MRTFB: variants seen among roughly 807,000 people sequenced by gnomAD.
MRTFB encodes myocardin related transcription factor B, also known as myocardin-related transcription factor B.
Under a neutral mutation model 104.2 loss-of-function variants are expected in MRTFB, and 29 were observed. That is an observed-to-expected ratio of 0.28 (90% CI 0.21 to 0.38). The LOEUF is 0.38. Ranked by LOEUF, MRTFB falls within the 10% of genes least tolerant of loss-of-function variation. The probability of loss-of-function intolerance (pLI) is 1.00; values close to 1 mark genes in which losing one functional copy is unlikely to be tolerated. For missense variants in MRTFB, 1,270 were observed against 1,341.6 expected (o/e 0.95, Z 0.83); for synonymous variants, 535 against 519.5 (o/e 1.03, Z -0.41).
the MRTFB span, among the ~76,000 whole-genome samples, chr16:13,996,851 T>C: frequency 6.6e-6 from 1 of 152,184 alleles, no homozygotes; most frequent in African/African-American, 2.4e-5. Flanking sequence ...GGTGTGCTTT[T>C]GAGTTTCTAT....
At chr16:14,038,451 G>A in the MRTFB span, among the ~76,000 whole-genome samples, 1 of 152,018 alleles carries the variant, frequency 6.6e-6, no homozygotes, top group Non-Finnish European at 1.5e-5. Context: ...TGTGGTGGTG[G>A]GACTGACTTC....
In MRTFB at chr16:14,096,031, A is replaced by G. The variant is rs145268276; in HGVS notation, c.-64+16677A>G. The stretch of plus-strand genomic sequence containing the variant: ...TTGTTCTTTTGAGAACAAGAACATG[A>G]CAGTTTAGAGGCAAGCTGAAATTTA... On this transcript the variant is annotated intron_variant, in intron 2 of 16. Transcript: ENST00000571589. 6.6e-4 allele frequency among the ~76,000 whole-genome samples: 100 copies of G among 151,914 alleles called. 1 individual carries two copies. The East Asian group carries it at 0.019, about 28-fold the overall frequency.
the MRTFB span, among the ~76,000 whole-genome samples, chr16:14,003,383 C>G: frequency 6.6e-6 from 1 of 152,192 alleles, no homozygotes; most frequent in South Asian, 2.1e-4. Flanking sequence ...CCCTCTGCTC[C>G]TGCTTTCTTG....
At chr16:14,014,572 A>G in the MRTFB span, among the ~76,000 whole-genome samples, 47 of 151,926 alleles carry the variant, frequency 3.1e-4, 1 homozygote, top group African/African-American at 1.1e-3. Context: ...GAAAAAAAAA[A>G]GCCAGGCGCA....
chr16:14,246,002 T>C (rs1362583317), intron 11 of MRTFB, among the ~76,000 whole-genome samples: 1 of 152,172 alleles, frequency 6.6e-6, no homozygotes, highest in Non-Finnish European at 1.5e-5. Context: ...CCTTTTTAGG[T>C]TTCTACCACA....
At chr16:14,022,497 A>G in the MRTFB span, among the ~76,000 whole-genome samples, 1 of 152,174 alleles carries the variant, frequency 6.6e-6, no homozygotes, top group South Asian at 2.1e-4. Context: ...CCTGGGTTCA[A>G]GTGATTCTCC....
At chr16:14,057,566 A>G in the MRTFB span, among the ~76,000 whole-genome samples, 1 of 152,180 alleles carries the variant, frequency 6.6e-6, no homozygotes, top group African/African-American at 2.4e-5. Context: ...CAATACAAAA[A>G]GCCAAGCTTA....
intron 5 of MRTFB, 47 bp downstream of exon 5, chr16:14,212,456 C>T (rs762896264): frequency 9.0e-6 from 14 of 1,559,526 alleles, no homozygotes; most frequent in Non-Finnish European, 1.2e-5. Flanking sequence ...TCCTTCTCTC[C>T]TCTCTTCTAA....
rs779093804 is a variant in MRTFB at position 14,240,482 on chromosome 16, C to T, written c.1077C>T (p.Phe359=). ...YNYQTILPAP[F]KPLNDKNSNS... ...ACCAGACCATCCTGCCTGCACCATT[C>T]AAGTACGGCGGGGCCCATGCTATCC... is the stretch of plus-strand genomic sequence containing the variant. The change falls in exon 10 of 17, where the codon TTC becomes TTT. Residue 359 remains phenylalanine, a splice_region_variant and synonymous_variant. Transcript: ENST00000571589. 1.2e-6 allele frequency: 2 copies of T among 1,614,224 alleles called. No homozygotes were observed. Among genetic ancestry groups the T allele is most frequent in the East Asian group, 4.5e-5 (2 of 44,890 alleles).
chr16:14,079,556 G>A (rs565667572), intron 2 of MRTFB, among the ~76,000 whole-genome samples: 9 of 152,116 alleles, frequency 5.9e-5, no homozygotes, highest in Non-Finnish European at 8.8e-5. Context: ...CAACCTCTTC[G>A]AATCTAATCT....
intron 2 of MRTFB, among the ~76,000 whole-genome samples, chr16:14,086,879 G>T (rs1228880257): frequency 2.0e-5 from 3 of 152,264 alleles, no homozygotes; most frequent in East Asian, 3.9e-4. Flanking sequence ...AAAGTTTTAA[G>T]AATTTTTCAG....
At chr16:14,187,883 C>T (rs1377884679) in intron 3 of MRTFB, among the ~76,000 whole-genome samples, 3 of 152,182 alleles carry the variant, frequency 2.0e-5, no homozygotes, top group Admixed American at 2.0e-4. Context: ...CTTTGGAAAG[C>T]AAAAACCCAC....
At chr16:14,046,443 C>T in the MRTFB span, among the ~76,000 whole-genome samples, 6 of 152,178 alleles carry the variant, frequency 3.9e-5, no homozygotes, top group Admixed American at 6.5e-5. Context: ...TCCAATTGAC[C>T]TCTGAGTGGC....
At position 14,260,902 on chromosome 16, in the gene MRTFB, TAC is replaced by T. The variant is rs1371051060; in HGVS notation, c.2765-3_2765-2del. 2.5e-6 allele frequency: 4 copies of T among 1,579,004 alleles called. No homozygotes were observed. The highest frequency in any genetic ancestry group is 2.2e-5 in the East Asian group (1 of 44,504). On this transcript the variant is annotated splice_region_variant and splice_polypyrimidine_tract_variant and intron_variant, in intron 16 of 16. Transcript: ENST00000571589. The stretch of plus-strand genomic sequence containing the variant: ...CAGTTACTAATTACTTCATTTATTT[TAC>T]ACAGAGATCTCCCTCCCCATAAAAG...
the MRTFB span, among the ~76,000 whole-genome samples, chr16:14,037,076 C>G: frequency 0.45 from 67,710 of 151,806 alleles, 17,649 homozygotes; most frequent in Non-Finnish European, 0.58. Context: ...CCAAAGAAAA[C>G]CCATCTGTAG....
At chr16:14,002,952 T>G in the MRTFB span, among the ~76,000 whole-genome samples, 3 of 151,924 alleles carry the variant, frequency 2.0e-5, no homozygotes, top group Admixed American at 2.0e-4. Flanking sequence ...AGAACAGGAC[T>G]CCGACACCTT....
At chr16:14,227,067 A>G (rs2042036457) in intron 8 of MRTFB, among the ~76,000 whole-genome samples, 1 of 152,072 alleles carries the variant, frequency 6.6e-6, no homozygotes, top group Non-Finnish European at 1.5e-5. Flanking sequence ...GGAAGAAAAT[A>G]TTTGCAAATC....
chr16:14,157,502 A>C (rs1557520), intron 3 of MRTFB, among the ~76,000 whole-genome samples: 8,917 of 152,222 alleles, frequency 0.059, 514 homozygotes, highest in East Asian at 0.3. Flanking sequence ...ACCTTGGTTC[A>C]CAGGGCCACC....
At chr16:14,051,936 A>G in the MRTFB span, among the ~76,000 whole-genome samples, 1 of 151,902 alleles carries the variant, frequency 6.6e-6, no homozygotes, top group Non-Finnish European at 1.5e-5. Flanking sequence ...TTCCCTTTAC[A>G]TGCCTTCCCT....
Sources: allele counts gnomAD v4.1 joint callset (sites outside exome capture counted in the v4.1 genomes callset), GRCh38; gene constraint gnomAD v4.1.1; transcripts MANE v1.5; gene names NCBI Gene and HGNC (gene_info 2026-07-23, HGNC 2026-07-21).